FSD1L: variants seen among roughly 807,000 people sequenced by gnomAD.
FSD1L encodes FSD1-like protein.
FSD1L carries 45 observed loss-of-function variants against 71.6 expected under a neutral mutation model. The ratio of observed to expected loss-of-function variants is 0.63; its 90% CI spans 0.49 to 0.81. The LOEUF (loss-of-function observed/expected upper bound fraction) is 0.81. Ranked by LOEUF, FSD1L falls within the 30% of genes least tolerant of loss-of-function variation. FSD1L has a pLI of 0.00. For missense variants in FSD1L, 561 were observed against 618.1 expected (o/e 0.91, Z 0.98); for synonymous variants, 197 against 207.2 (o/e 0.95, Z 0.42).
chr9:105,479,655 C>G (rs960361330), intron 6 of FSD1L, among the ~76,000 whole-genome samples: 5 of 152,050 alleles, frequency 3.3e-5, no homozygotes, highest in Non-Finnish European at 7.4e-5. Flanking sequence ...ATTAGTTGTA[C>G]TAATGAAAAG....
chr9:105,495,609 T>C (rs1833327400), intron 7 of FSD1L, among the ~76,000 whole-genome samples: 1 of 152,234 alleles, frequency 6.6e-6, no homozygotes, highest in Admixed American at 6.5e-5. Context: ...CGCTGGGAGC[T>C]GTAGACCGGA....
intron 1 of FSD1L, among the ~76,000 whole-genome samples, chr9:105,453,044 G>T (rs78636844): frequency 0.015 from 1,301 of 88,564 alleles, 33 homozygotes; most frequent in Middle Eastern, 0.03. Context: ...ACCTAAAGTT[G>T]TTTTTTTTTT....
At chr9:105,516,451 C>T (rs1188624633) in intron 10 of FSD1L, among the ~76,000 whole-genome samples, 1 of 152,182 alleles carries the variant, frequency 6.6e-6, no homozygotes, top group Non-Finnish European at 1.5e-5. Context: ...CTCTGGCTAG[C>T]ATCTGGCAGT....
intron 10 of FSD1L, among the ~76,000 whole-genome samples, chr9:105,528,237 C>A (rs143185773): frequency 6.6e-6 from 1 of 152,086 alleles, no homozygotes; most frequent in Non-Finnish European, 1.5e-5. Flanking sequence ...ATAGATTCAA[C>A]GCTATTCCCA....
upstream of FSD1L, among the ~76,000 whole-genome samples, chr9:105,443,299 C>A (rs1311448095): frequency 6.6e-6 from 1 of 152,230 alleles, no homozygotes; most frequent in Non-Finnish European, 1.5e-5. Context: ...GCGAAAGGCA[C>A]ATCCTACATT....
intron 10 of FSD1L, chr9:105,522,325 G>A: frequency 1.2e-6 from 2 of 1,614,010 alleles, no homozygotes; most frequent in Non-Finnish European, 1.7e-6. Context: ...GATAAGCTGA[G>A]TGAACAGAAA....
intron 10 of FSD1L, chr9:105,522,558 G>T: frequency 6.2e-7 from 1 of 1,613,672 alleles, no homozygotes; most frequent in Admixed American, 1.7e-5. Flanking sequence ...CTCAACTAGA[G>T]TCAGACATTT....
chr9:105,505,156 C>T (rs1057376227), intron 7 of FSD1L, among the ~76,000 whole-genome samples: 5 of 152,188 alleles, frequency 3.3e-5, no homozygotes, highest in Non-Finnish European at 5.9e-5. Flanking sequence ...ATTTCACTGC[C>T]CTAAAGTTCC....
At chr9:105,478,224 G>A (rs1169900880) in intron 5 of FSD1L, among the ~76,000 whole-genome samples, 4 of 152,120 alleles carry the variant, frequency 2.6e-5, no homozygotes, top group Non-Finnish European at 5.9e-5. Context: ...CAGCCTGGGC[G>A]ACAGAACAAG....
At position 105,550,017 on chromosome 9, in the gene FSD1L, T is replaced by A. The variant is rs1488952541; in HGVS notation, c.*3534T>A. ...ATTATTTTTTTAAAAACGTAATTTGTTTTTAAAAGATGAGTCTCCATTCAT... is the reference window on the plus strand; with the variant it reads ...ATTATTTTTTTAAAAACGTAATTTGATTTTAAAAGATGAGTCTCCATTCAT... On this transcript the variant is annotated 3_prime_UTR_variant, in exon 14 of 14. Coordinates refer to ENST00000481272, the MANE Select transcript of FSD1L (RefSeq NM_001145313.3). 6.6e-6 allele frequency: 1 copy of A among 152,016 alleles called. No individual in the cohort carries two copies. The highest frequency in any genetic ancestry group is 2.4e-5 in the African/African-American group (1 of 41,432). The allele number at this position is 152,016 out of a possible 1,614,324, so 9.4% of individuals were successfully genotyped here. A position where few individuals can be genotyped will look rare whatever the true frequency, so the allele number is the denominator to read the frequency against.
At chr9:105,505,248 G>A (rs1158055401) in intron 7 of FSD1L, among the ~76,000 whole-genome samples, 1 of 151,968 alleles carries the variant, frequency 6.6e-6, no homozygotes, top group African/African-American at 2.4e-5. Context: ...ATTCTTTGTT[G>A]TTTTTTTGTT....
chr9:105,539,408 T>G (rs1478977182), intron 13 of FSD1L, 57 bp downstream of exon 13: 3 of 744,750 alleles, frequency 4.0e-6, no homozygotes, highest in Non-Finnish European at 6.3e-6. Flanking sequence ...TTGGCAACTT[T>G]AAGGAGAATA....
At chr9:105,495,095 C>A (rs1564112185) in intron 7 of FSD1L, among the ~76,000 whole-genome samples, 1 of 152,156 alleles carries the variant, frequency 6.6e-6, no homozygotes. Context: ...TGTGCCCTGC[C>A]CCCAGAGGTG....
rs542818608 is a variant in FSD1L at position 105,496,202 on chromosome 9, C to CTT, written c.587-10179_587-10178dup. 3.0e-3 allele frequency among the ~76,000 whole-genome samples: 339 copies of CTT among 113,258 alleles called. 6 individuals carry two copies. The highest frequency in any genetic ancestry group is 5.1e-3 in the Middle Eastern group (1 of 198). The allele number at this position is 113,258 out of a possible 152,430, so 74.3% of individuals were successfully genotyped here. On this transcript the variant is annotated intron_variant, in intron 7 of 13. Coordinates refer to ENST00000481272, the MANE Select transcript of FSD1L (RefSeq NM_001145313.3). ...CAGTACCAGGTCTTGATGACTGTAGCTTTTTTTTTTTTTTTTTTTGTGTCG... is the reference window on the plus strand; with the variant it reads ...CAGTACCAGGTCTTGATGACTGTAGCTTTTTTTTTTTTTTTTTTTTTGTGTCG...
At chr9:105,447,982 C>T, upstream of FSD1L, 1 of 547,052 alleles carries the variant, frequency 1.8e-6, no homozygotes. Flanking sequence ...AGCAGTCAGC[C>T]GCTGCGCGCA....
intron 6 of FSD1L, 73 bp downstream of exon 6, chr9:105,479,449 A>G: frequency 7.6e-7 from 1 of 1,318,210 alleles, no homozygotes; most frequent in Non-Finnish European, 1.1e-6. Context: ...ATAGTTTTTT[A>G]ATTAAAATTG....
At chr9:105,512,249 C>T (rs572650301) in intron 9 of FSD1L, among the ~76,000 whole-genome samples, 6 of 151,756 alleles carry the variant, frequency 4.0e-5, no homozygotes, top group African/African-American at 1.2e-4. Context: ...CTGTACTCTT[C>T]GTCATGTAAA....
intron 2 of FSD1L, 27 bp downstream of exon 2, chr9:105,461,642 T>C: frequency 7.3e-7 from 1 of 1,364,008 alleles, no homozygotes; most frequent in Non-Finnish European, 1.0e-6. Context: ...GGAGCAGAGG[T>C]TTTAACTTGA....
intron 10 of FSD1L, chr9:105,530,818 A>G (rs1465262053): frequency 1.1e-5 from 5 of 473,818 alleles, no homozygotes; most frequent in African/African-American, 4.0e-5. Context: ...TCAATTTAGT[A>G]CTTTGGCTCA....
Sources: gnomAD v4.1 joint callset for allele counts (sites outside exome capture counted in the v4.1 genomes callset) on GRCh38, gnomAD v4.1.1 for gene constraint, MANE v1.5 for transcripts, NCBI Gene and HGNC (gene_info 2026-07-23, HGNC 2026-07-21) for gene names.